Variants in COL22A1 observed in about 807,000 individuals in gnomAD.
The protein encoded by COL22A1 is collagen alpha-1(XXII) chain.
In COL22A1, 221 loss-of-function variants were observed where a neutral mutation model predicts 248.9. The ratio of observed to expected loss-of-function variants is 0.89; its 90% confidence interval spans 0.80 to 0.99. The LOEUF (loss-of-function observed/expected upper bound fraction) is 0.99. COL22A1 is among the 50% of genes least tolerant of loss of function. COL22A1 has a pLI of 0.00. For missense variants in COL22A1, 2,240 were observed against 2,179.0 expected, an observed-to-expected ratio of 1.03 and a Z score of -0.56; for synonymous variants, 891 against 793.4, an observed-to-expected ratio of 1.12 and a Z score of -2.07.
chr8:138,776,498 C>T (rs1359053413), intron 15 of COL22A1, among the ~76,000 whole-genome samples: 1 of 152,150 alleles, frequency 6.6e-6, no homozygotes, highest in Admixed American at 6.5e-5. Flanking sequence ...CTCATCCTGC[C>T]TTTATCTAGA....
At position 138,678,088 on chromosome 8, in the gene COL22A1, C is replaced by T. The variant is rs561131630; in HGVS notation, c.3073-1453G>A. Among the ~76,000 whole-genome samples, 6 of 152,108 alleles carry T rather than the reference C, an allele frequency of 3.9e-5. 1 individual carries two copies. The highest frequency in any genetic ancestry group is 4.1e-4 in the South Asian group (2 of 4,824). ...TGACTTGCCTTTCCTATAGTACAAC[C>T]GTTGCCTGGATGAGTACATAAGCTA... On this transcript the variant is annotated intron_variant, in intron 40 of 64. Coordinates refer to ENST00000303045, the MANE Select transcript of COL22A1 (RefSeq NM_152888.3).
At chr8:138,633,196 A>G (rs1296865945) in intron 49 of COL22A1, among the ~76,000 whole-genome samples, 1 of 152,252 alleles carries the variant, frequency 6.6e-6, no homozygotes. Context: ...TGCTGAACCT[A>G]AACAGGCAGC....
chr8:138,909,131 C>T (rs1322629851), intron 1 of COL22A1, among the ~76,000 whole-genome samples: 3 of 152,174 alleles, frequency 2.0e-5, no homozygotes, highest in Non-Finnish European at 2.9e-5. Flanking sequence ...ATAATCACAA[C>T]GAAGCTTGTG....
chr8:138,808,477 T>C (rs1427240975), intron 9 of COL22A1, among the ~76,000 whole-genome samples: 1 of 152,204 alleles, frequency 6.6e-6, no homozygotes, highest in African/African-American at 2.4e-5. Context: ...CATGTAGTTA[T>C]TGTTCACTAA....
In COL22A1 at chr8:138,735,895, C is replaced by T. The variant is rs552949157; in HGVS notation, c.2139+1629G>A. Among the ~76,000 whole-genome samples, 7 of 152,270 alleles carry T rather than the reference C, an allele frequency of 4.6e-5. No homozygotes were observed. The East Asian group carries it at 9.7e-4, about 21-fold the overall frequency. On this transcript the variant is annotated intron_variant, in intron 23 of 64. Coordinates refer to ENST00000303045, the MANE Select transcript of COL22A1 (RefSeq NM_152888.3). ...TGAGTGCCTCCCTGCCAACGAGGGA[C>T]GGACAGTGTGACCGCCACCCCGGGG...
chr8:138,735,210 C>T (rs1007293690), intron 23 of COL22A1, among the ~76,000 whole-genome samples: 7 of 152,126 alleles, frequency 4.6e-5, no homozygotes, highest in African/African-American at 1.7e-4. Flanking sequence ...GAAAAAGAAA[C>T]CTGGCCTCTT....
chr8:138,785,243 A>T (rs1358580509), intron 12 of COL22A1, among the ~76,000 whole-genome samples: 2 of 152,202 alleles, frequency 1.3e-5, no homozygotes, highest in African/African-American at 4.8e-5. Flanking sequence ...CTCTGCGTGG[A>T]GCCAGGAGAC....
intron 62 of COL22A1, 66 bp from the exon 63 acceptor site, chr8:138,594,265 C>T (rs1471286331): frequency 7.0e-7 from 1 of 1,435,914 alleles, no homozygotes; most frequent in Non-Finnish European, 9.4e-7. Context: ...AGGATGGCTA[C>T]TCACTGACAA....
At chr8:138,608,226 A>T (rs1251916866) in intron 56 of COL22A1, among the ~76,000 whole-genome samples, 2 of 152,232 alleles carry the variant, frequency 1.3e-5, no homozygotes, top group Non-Finnish European at 2.9e-5. Flanking sequence ...GGCATGAAAA[A>T]GTCTAGCCTG....
intron 18 of COL22A1, among the ~76,000 whole-genome samples, chr8:138,757,892 C>T (rs1393872802): frequency 6.6e-6 from 1 of 152,186 alleles, no homozygotes; most frequent in Admixed American, 6.5e-5. Flanking sequence ...CCACGACGGT[C>T]CCCCGTAGTC....
intron 43 of COL22A1, among the ~76,000 whole-genome samples, chr8:138,661,093 C>T (rs952130949): frequency 1.3e-5 from 1 of 75,720 alleles, no homozygotes; most frequent in Non-Finnish European, 4.4e-5. Flanking sequence ...CACAAACATA[C>T]ACACACACAC....
At chr8:138,814,545 C>T (rs534555369) in intron 7 of COL22A1, among the ~76,000 whole-genome samples, 4 of 152,272 alleles carry the variant, frequency 2.6e-5, no homozygotes, top group Non-Finnish European at 5.9e-5. Flanking sequence ...AGGGTGGCTG[C>T]AAACACTAGC....
chr8:138,844,949 C>CAA (rs56957004), intron 3 of COL22A1, among the ~76,000 whole-genome samples: 91 of 49,244 alleles, frequency 1.8e-3, no homozygotes, highest in African/African-American at 5.1e-3. Flanking sequence ...GACTCCATCT[C>CAA]AAAAAAAAAA....
chr8:138,691,500 C>G (rs544927675), intron 35 of COL22A1, among the ~76,000 whole-genome samples: 13 of 89,714 alleles, frequency 1.4e-4, no homozygotes, highest in African/African-American at 5.1e-4. Context: ...TATGTGTGCA[C>G]GTCCATGTGT....
At chr8:138,815,546 G>C (rs111238676) in intron 7 of COL22A1, among the ~76,000 whole-genome samples, 1 of 152,074 alleles carries the variant, frequency 6.6e-6, no homozygotes, top group African/African-American at 2.4e-5. Flanking sequence ...CTCCTCAGCC[G>C]CCTGTCCACA....
At chr8:138,594,547 G>A (rs1373784163) in intron 62 of COL22A1, among the ~76,000 whole-genome samples, 1 of 152,182 alleles carries the variant, frequency 6.6e-6, no homozygotes, top group Admixed American at 6.5e-5. Context: ...CCTTGAGCAA[G>A]CTACTTGACC....
chr8:138,888,777 G>A (rs968532983), intron 1 of COL22A1, among the ~76,000 whole-genome samples: 5 of 152,124 alleles, frequency 3.3e-5, no homozygotes, highest in East Asian at 3.9e-4. Context: ...AGAGCTGATC[G>A]CCCAGCCCTC....
chr8:138,826,722 C>T lies in COL22A1; in HGVS notation c.905G>A (p.Arg302Lys), dbSNP rs761637682. ...EYAFVTTFRF[R>K]KTSRKEDWYI... ...CCAGTCTTCCTTCCGAGAGGTTTTC[C>T]TGAACCGGAAGGTTGTGACAAAGGC... The change falls in exon 6 of 65, where the codon AGG becomes AAG. Residue 302 changes from arginine (R) to lysine (K), a missense_variant. Arg to Lys is a conservative substitution (Grantham distance 26). Transcript: ENST00000303045. The T allele has an allele frequency of 6.2e-7, 1 of 1,614,050 alleles. No homozygotes were observed. The highest frequency in any genetic ancestry group is 8.5e-7 in the Non-Finnish European group (1 of 1,179,956).
intron 9 of COL22A1, among the ~76,000 whole-genome samples, chr8:138,808,058 A>T (rs1817879164): frequency 6.6e-6 from 1 of 152,208 alleles, no homozygotes; most frequent in Admixed American, 6.5e-5. Context: ...AGATAGAAAC[A>T]AGCAAACTGA....
Sources: gnomAD v4.1 joint callset for allele counts (sites outside exome capture counted in the v4.1 genomes callset) on GRCh38, gnomAD v4.1.1 for gene constraint, MANE v1.5 for transcripts, NCBI Gene and HGNC (gene_info 2026-07-23, HGNC 2026-07-21) for gene names.